Variants in MCC observed in about 807,000 individuals in gnomAD.
MCC encodes the protein colorectal mutant cancer protein.
Under a neutral mutation model 116.2 loss-of-function variants are expected in MCC, and 90 were observed. That is an observed-to-expected ratio of 0.77 (90% confidence interval 0.65 to 0.92). The LOEUF is 0.92. Ranked by LOEUF, MCC falls within the 40% of genes least tolerant of loss-of-function variation. The pLI is 0.00. For synonymous variants in MCC, 578 were observed against 510.5 expected (o/e 1.13, Z -1.78); for missense variants, 1,516 against 1,312.2 (o/e 1.16, Z -2.40).
intron 1 of MCC, among the ~76,000 whole-genome samples, chr5:113,475,172 A>G (rs951739214): frequency 1.3e-5 from 2 of 152,252 alleles, no homozygotes; most frequent in African/African-American, 4.8e-5. Flanking sequence ...AATATTGAAT[A>G]GATGCCCAAT....
intron 3 of MCC, among the ~76,000 whole-genome samples, chr5:113,203,548 C>T (rs991346651): frequency 1.2e-4 from 19 of 152,038 alleles, no homozygotes; most frequent in African/African-American, 3.6e-4. Flanking sequence ...GAATACTCCC[C>T]GAGCGCATAC....
intron 1 of MCC, among the ~76,000 whole-genome samples, chr5:113,442,421 G>C (rs1771068817): frequency 6.6e-6 from 1 of 151,894 alleles, no homozygotes; most frequent in South Asian, 2.1e-4. Context: ...TAGATAGATT[G>C]CAAAAACTTT....
At chr5:113,135,272 G>T (rs1758743379) in intron 5 of MCC, among the ~76,000 whole-genome samples, 1 of 148,912 alleles carries the variant, frequency 6.7e-6, no homozygotes, top group Non-Finnish European at 1.5e-5. Flanking sequence ...TTATTCTTAG[G>T]GGCCGGGCAC....
rs1754957796 is a variant in MCC at position 113,082,917 on chromosome 5, G to T, written c.1727C>A (p.Ser576Tyr). Residue 576 changes from serine (S) to tyrosine (Y), a missense_variant, in exon 11 of 19, where the codon TCT (serine) becomes TAT (tyrosine). Transcript: ENST00000408903. The stretch of plus-strand genomic sequence containing the variant: ...TCTAATCTTGCTTTCTGAGATGGCA[G>T]ATCCGTGTGAGTAGAGTGTTTGGAA... The part of the protein sequence containing the change: ...EIFQTLYSHG[S>Y]AISESKIREF... 6.2e-7 allele frequency: 1 copy of T among 1,614,104 alleles called. No homozygotes were observed. The highest frequency in any genetic ancestry group is 1.7e-5 in the Admixed American group (1 of 60,012).
At chr5:113,265,835 C>A (rs541522934) in intron 3 of MCC, among the ~76,000 whole-genome samples, 1 of 152,146 alleles carries the variant, frequency 6.6e-6, no homozygotes, top group African/African-American at 2.4e-5. Flanking sequence ...TCCAAATGCC[C>A]GGGAGACAGG....
chr5:113,327,589 A>G (rs1260822170), intron 3 of MCC, among the ~76,000 whole-genome samples: 1 of 114,368 alleles, frequency 8.7e-6, no homozygotes, highest in Non-Finnish European at 1.9e-5. Flanking sequence ...TATATATAAA[A>G]ATCTCATCCT....
At chr5:113,063,849 G>T in intron 14 of MCC, 135 bp downstream of exon 14, 1 of 900,510 alleles carries the variant, frequency 1.1e-6, no homozygotes, top group Non-Finnish European at 1.7e-6. Flanking sequence ...GGATGGAGCA[G>T]GCTGCATGCC....
intron 3 of MCC, among the ~76,000 whole-genome samples, chr5:113,217,160 A>T (rs994742820): frequency 1.3e-5 from 2 of 152,256 alleles, no homozygotes; most frequent in East Asian, 3.8e-4. Flanking sequence ...TAGGTCTTAT[A>T]TTAATACTAA....
rs146365282 is a variant in MCC, at chr5:113,383,526, G to A, written c.415+1442C>T. Among the ~76,000 whole-genome samples the A allele has an allele frequency of 2.6e-4, 39 of 152,208 alleles. 1 individual carries two copies. The highest frequency in any genetic ancestry group is 9.2e-4 in the Admixed American group (14 of 15,276). On this transcript the variant is annotated intron_variant, in intron 2 of 18. Coordinates refer to ENST00000408903, the MANE Select transcript of MCC (RefSeq NM_001085377.2). ...GTAAAACACAAATCACACACATGAC[G>A]AGAGAGACAGAGGGAGAGGAAAAGA...
At chr5:113,062,433 T>C (rs1353077347) in intron 14 of MCC, among the ~76,000 whole-genome samples, 2 of 152,184 alleles carry the variant, frequency 1.3e-5, no homozygotes, top group African/African-American at 2.4e-5. Flanking sequence ...AACATTCTTT[T>C]TGGGGGTAGG....
rs531181856 is a variant in MCC at position 113,281,737 on chromosome 5, G to T, written c.627+58782C>A. Among the ~76,000 whole-genome samples, 16 of 152,140 alleles carry T rather than the reference G, an allele frequency of 1.1e-4. No homozygotes were observed. In the South Asian group the frequency reaches 2.9e-3, roughly 28 times the overall value. On this transcript the variant is annotated intron_variant, in intron 3 of 18. Coordinates refer to ENST00000408903, the MANE Select transcript of MCC (RefSeq NM_001085377.2). ...AGCTTTTGGCATTAAGGTAGAGAAA[G>T]AAAAAAACAACAGCAGGCAGTGAGA...
At chr5:113,467,623 T>C (rs1274009408) in intron 1 of MCC, among the ~76,000 whole-genome samples, 3 of 152,146 alleles carry the variant, frequency 2.0e-5, no homozygotes, top group Non-Finnish European at 4.4e-5. Context: ...AGCGTGATGC[T>C]TCCAGCTTTG....
At chr5:113,142,747 C>T (rs1330914885) in intron 5 of MCC, among the ~76,000 whole-genome samples, 1 of 152,186 alleles carries the variant, frequency 6.6e-6, no homozygotes, top group Non-Finnish European at 1.5e-5. Context: ...TGGAAGCCTA[C>T]ATAATGCTTA....
intron 8 of MCC, among the ~76,000 whole-genome samples, chr5:113,090,323 G>A (rs1310920091): frequency 2.7e-5 from 4 of 150,576 alleles, no homozygotes; most frequent in African/African-American, 7.4e-5. Context: ...GGGAATGTCA[G>A]AAATGAGAAA....
At chr5:113,140,585 C>T (rs1759118876) in intron 5 of MCC, among the ~76,000 whole-genome samples, 1 of 152,172 alleles carries the variant, frequency 6.6e-6, no homozygotes, top group African/African-American at 2.4e-5. Flanking sequence ...GTGCCTGGTG[C>T]TTTGATTGTG....
chr5:113,394,803 T>G (rs1405999527), intron 1 of MCC, among the ~76,000 whole-genome samples: 1 of 152,218 alleles, frequency 6.6e-6, no homozygotes, highest in East Asian at 1.9e-4. Context: ...CTGATTTATT[T>G]TATCTCACTT....
chr5:113,070,528 T>C (rs1320245936), intron 12 of MCC, among the ~76,000 whole-genome samples: 5 of 152,224 alleles, frequency 3.3e-5, no homozygotes, highest in Non-Finnish European at 7.3e-5. Context: ...TCATATCCTT[T>C]GACCTACAAT....
chr5:113,222,985 C>G (rs982341934), intron 3 of MCC, among the ~76,000 whole-genome samples: 30 of 152,322 alleles, frequency 2.0e-4, no homozygotes, highest in Middle Eastern at 3.4e-3. Context: ...AACTCAGCAC[C>G]TAGGGCTCAG....
At chr5:113,142,672 A>G (rs1476063040) in intron 5 of MCC, among the ~76,000 whole-genome samples, 1 of 152,240 alleles carries the variant, frequency 6.6e-6, no homozygotes, top group Non-Finnish European at 1.5e-5. Flanking sequence ...TTATGAGTCC[A>G]GTAAGAGGAT....
Sources: gnomAD v4.1 joint callset for allele counts (sites outside exome capture counted in the v4.1 genomes callset) on GRCh38, gnomAD v4.1.1 for gene constraint, MANE v1.5 for transcripts, NCBI Gene and HGNC (gene_info 2026-07-23, HGNC 2026-07-21) for gene names.